Variants in SMPDL3B observed in about 807,000 individuals in gnomAD.
SMPDL3B encodes sphingomyelin phosphodiesterase acid like 3B.
Under a neutral mutation model 37.9 loss-of-function variants are expected in SMPDL3B, and 31 were observed. The observed-to-expected ratio is 0.82, with a 90% CI of 0.61 to 1.10. The LOEUF (loss-of-function observed/expected upper bound fraction) is 1.10. Ranked by LOEUF, SMPDL3B falls within the 50% of genes least tolerant of loss-of-function variation. The pLI, the probability that SMPDL3B is intolerant of heterozygous loss-of-function variation, is 0.00. For synonymous variants in SMPDL3B, 235 were observed against 242.6 expected (o/e 0.97, Z 0.29); for missense variants, 525 against 597.8 (o/e 0.88, Z 1.27).
At chr1:27,955,892 C>T (rs776118667) in intron 6 of SMPDL3B, 28 bp downstream of exon 6, 2 of 1,611,126 alleles carry the variant, frequency 1.2e-6, no homozygotes, top group East Asian at 2.2e-5. Context: ...CAACTGCCAG[C>T]TCCCTCCCTC....
intron 1 of SMPDL3B, among the ~76,000 whole-genome samples, chr1:27,937,246 G>A (rs2090317746): frequency 6.6e-6 from 1 of 152,190 alleles, no homozygotes; most frequent in Non-Finnish European, 1.5e-5. Flanking sequence ...TCCTACACAT[G>A]TCCTGTGTAA....
At chr1:27,954,128 G>A (rs987020100) in intron 4 of SMPDL3B, among the ~76,000 whole-genome samples, 3 of 152,248 alleles carry the variant, frequency 2.0e-5, no homozygotes, top group Non-Finnish European at 4.4e-5. Flanking sequence ...ATAGAGAGGT[G>A]AAGTTACTTT....
At chr1:27,954,560 G>T in intron 5 of SMPDL3B, 34 bp downstream of exon 5, 1 of 1,602,988 alleles carries the variant, frequency 6.2e-7, no homozygotes, top group South Asian at 1.1e-5. Flanking sequence ...TTCTCATCTG[G>T]GGTTATTTCC....
chr1:27,947,198 G>A (rs113879261), intron 2 of SMPDL3B, among the ~76,000 whole-genome samples: 3,030 of 152,028 alleles, frequency 0.02, 36 homozygotes, highest in Non-Finnish European at 0.034. Flanking sequence ...CACCACGCCC[G>A]GCTAATTTTG....
intron 1 of SMPDL3B, 21 bp downstream of exon 1, chr1:27,935,265 G>A (rs1351933325): frequency 2.2e-5 from 35 of 1,592,418 alleles, no homozygotes; most frequent in Non-Finnish European, 3.0e-5. Context: ...GGGAATGTCT[G>A]CTATGCCTTT....
intron 1 of SMPDL3B, among the ~76,000 whole-genome samples, chr1:27,936,237 A>C (rs1041790146): frequency 6.6e-6 from 1 of 151,748 alleles, no homozygotes; most frequent in Non-Finnish European, 1.5e-5. Flanking sequence ...GGATTGCTTG[A>C]GTCCAGGAGT....
intron 4 of SMPDL3B, among the ~76,000 whole-genome samples, chr1:27,953,797 C>A (rs994715159): frequency 2.0e-5 from 3 of 152,224 alleles, no homozygotes; most frequent in Non-Finnish European, 4.4e-5. Flanking sequence ...AGGAACACCC[C>A]CAGCTGTGAC....
intron 7 of SMPDL3B, chr1:27,956,382 C>A: frequency 7.7e-7 from 1 of 1,292,098 alleles, no homozygotes; most frequent in Admixed American, 3.0e-5. Context: ...AGAAACTAAT[C>A]TCCTATAGCA....
chr1:27,937,700 G>T (rs952022577), intron 1 of SMPDL3B, among the ~76,000 whole-genome samples: 3 of 152,150 alleles, frequency 2.0e-5, no homozygotes, highest in Non-Finnish European at 4.4e-5. Flanking sequence ...GAGGCTGAGG[G>T]GCAGTGTGGC....
In SMPDL3B at chr1:27,955,883, AACT is replaced by A. The variant is rs1638244740; in HGVS notation, c.871+20_871+22del. ...GATGCAGGTATTCAACCTGGAGGGC[AACT>A]GCCAGCTCCCTCCCTCCTTCTCTCC... On this transcript the variant is annotated intron_variant, in intron 6 of 7. Transcript: ENST00000373894. 2 of 1,611,522 alleles carry A rather than the reference AACT, an allele frequency of 1.2e-6. No individual in the cohort carries two copies. Among genetic ancestry groups the A allele is most frequent in the Admixed American group, 1.7e-5 (1 of 59,966 alleles).
At chr1:27,942,650 A>AT (rs2090370346) in intron 1 of SMPDL3B, among the ~76,000 whole-genome samples, 1 of 131,186 alleles carries the variant, frequency 7.6e-6, no homozygotes, top group Non-Finnish European at 1.6e-5. Flanking sequence ...ATGCCTGGCT[A>AT]TTTTTTTGTT....
At chr1:27,946,389 C>A (rs1214203179) in intron 2 of SMPDL3B, among the ~76,000 whole-genome samples, 1 of 151,896 alleles carries the variant, frequency 6.6e-6, no homozygotes, top group Non-Finnish European at 1.5e-5. Flanking sequence ...AAAAAGATAC[C>A]CCCATCTCCT....
rs1490914381 is a variant in SMPDL3B, at chr1:27,953,199, C to T, written c.374-16C>T. On this transcript the variant is annotated splice_polypyrimidine_tract_variant and intron_variant, in intron 3 of 7. Coordinates refer to ENST00000373894, the MANE Select transcript of SMPDL3B (RefSeq NM_014474.4). Reference sequence around the variant, plus strand: ...CTTTTGCATATATATTTTGATATTTCACCCTTTCTTCCTAGATACTAAAGT... The same window carrying T: ...CTTTTGCATATATATTTTGATATTTTACCCTTTCTTCCTAGATACTAAAGT... 1.2e-6 allele frequency: 2 copies of T among 1,602,796 alleles called. No individual in the cohort carries two copies. The highest frequency in any genetic ancestry group is 2.2e-5 in the East Asian group (1 of 44,850).
Position 27,945,290 on chromosome 1 carries a change from C to T in SMPDL3B, c.120C>T (p.Asp40=), listed in dbSNP as rs767330057. 3 of 1,614,084 alleles carry T rather than the reference C, an allele frequency of 1.9e-6. No homozygotes were observed. In the South Asian group the frequency reaches 3.3e-5, roughly 18 times the overall value. ...HLDPDYKVSK[D]PFQVCPSAGS... is the part of the protein sequence containing the mutation. ...ACCCTGACTACAAGGTATCCAAAGA[C>T]CCCTTCCAGGTGTGCCCATCAGCTG... Residue 40 remains aspartate, a synonymous_variant, in exon 2 of 8, where the codon GAC becomes GAT. Coordinates refer to ENST00000373894, the MANE Select transcript of SMPDL3B (RefSeq NM_014474.4). This position sits in a 1 kb window ranked among gnomAD's most constrained non-coding sequence, Gnocchi z 4.0.
At chr1:27,948,873 C>G in intron 2 of SMPDL3B, 192 bp from the exon 3 acceptor site, 1 of 1,011,974 alleles carries the variant, frequency 9.9e-7, no homozygotes, top group South Asian at 1.4e-5. Flanking sequence ...AAGGGACCCA[C>G]AGCAGGAAAA....
intron 3 of SMPDL3B, among the ~76,000 whole-genome samples, chr1:27,952,185 AT>A (rs2090460720): frequency 6.6e-6 from 1 of 151,834 alleles, no homozygotes; most frequent in African/African-American, 2.4e-5. Context: ...TTTTTCTTAA[AT>A]GGATTCTTAA....
At chr1:27,957,983 T>A (rs1557501888) in intron 7 of SMPDL3B, among the ~76,000 whole-genome samples, 1 of 152,170 alleles carries the variant, frequency 6.6e-6, no homozygotes, top group Non-Finnish European at 1.5e-5. Context: ...TTCATAAATG[T>A]ACCTGGAACC....
At chr1:27,946,595 A>G (rs1215568681) in intron 2 of SMPDL3B, among the ~76,000 whole-genome samples, 2 of 152,132 alleles carry the variant, frequency 1.3e-5, no homozygotes, top group Non-Finnish European at 2.9e-5. Context: ...GGAACTTCAC[A>G]GGGCACATGA....
intron 7 of SMPDL3B, 130 bp downstream of exon 7, chr1:27,956,212 C>T (rs755909250): frequency 1.3e-6 from 2 of 1,591,904 alleles, no homozygotes; most frequent in Admixed American, 1.7e-5. Context: ...TCCTTCCACC[C>T]TTCTCCAGCT....
Sources: allele counts gnomAD v4.1 joint callset (sites outside exome capture counted in the v4.1 genomes callset), GRCh38; gene constraint gnomAD v4.1.1; non-coding constraint Gnocchi (gnomAD v3.1); transcripts MANE v1.5; gene names NCBI Gene and HGNC (gene_info 2026-07-23, HGNC 2026-07-21).